Variants in ARID5B observed in about 807,000 individuals in gnomAD.
The protein encoded by ARID5B is AT-rich interactive domain-containing protein 5B.
A neutral mutation model predicts 97.2 loss-of-function variants in ARID5B; 13 were observed. The ratio of observed to expected loss-of-function variants is 0.13; its 90% CI spans 0.09 to 0.21. The LOEUF is 0.21. Ranked by LOEUF, ARID5B falls within the 10% of genes least tolerant of loss-of-function variation. The pLI, the probability that ARID5B is intolerant of heterozygous loss-of-function variation, is 1.00. For missense variants in ARID5B, 1,210 were observed against 1,465.3 expected (o/e 0.83, Z 2.84); for synonymous variants, 556 against 570.3 (o/e 0.97, Z 0.36).
chr10:62,067,182 T>G (rs1345513791), intron 7 of ARID5B, among the ~76,000 whole-genome samples: 2 of 152,162 alleles, frequency 1.3e-5, no homozygotes, highest in Non-Finnish European at 2.9e-5. Context: ...GCCTCCCGGT[T>G]CAAGCAATTC....
At chr10:62,045,613 G>GC (rs1839697725) in intron 4 of ARID5B, among the ~76,000 whole-genome samples, 1 of 151,940 alleles carries the variant, frequency 6.6e-6, no homozygotes, top group Admixed American at 6.6e-5. Context: ...ACCATGCCTG[G>GC]CTAATTTTTG....
chr10:62,019,300 A>C (rs974693104), intron 4 of ARID5B, among the ~76,000 whole-genome samples: 11 of 152,204 alleles, frequency 7.2e-5, no homozygotes, highest in African/African-American at 2.4e-4. Context: ...CCTTCGTTTA[A>C]ATTGCTATTA....
intron 4 of ARID5B, among the ~76,000 whole-genome samples, chr10:62,012,215 G>A (rs892783245): frequency 1.3e-5 from 2 of 152,046 alleles, no homozygotes; most frequent in African/African-American, 2.4e-5. Flanking sequence ...GGAAGCTCGC[G>A]TTAACCATCA....
At chr10:61,905,885 T>A (rs1156782249) in intron 2 of ARID5B, among the ~76,000 whole-genome samples, 12 of 152,262 alleles carry the variant, frequency 7.9e-5, no homozygotes, top group Non-Finnish European at 1.5e-5. Context: ...TTCATTTTAA[T>A]GATGATGGTG....
intron 8 of ARID5B, among the ~76,000 whole-genome samples, chr10:62,082,562 A>C (rs1840227236): frequency 6.6e-6 from 1 of 152,212 alleles, no homozygotes; most frequent in Admixed American, 6.5e-5. Flanking sequence ...TTTGAGAAAT[A>C]ATCAACCTCA....
intron 2 of ARID5B, among the ~76,000 whole-genome samples, chr10:61,930,468 C>T (rs1170590921): frequency 6.6e-6 from 1 of 152,076 alleles, no homozygotes; most frequent in South Asian, 2.1e-4. Flanking sequence ...CACCTGTAAT[C>T]CTAGCACTTT....
intron 2 of ARID5B, among the ~76,000 whole-genome samples, chr10:61,934,944 C>T (rs533471565): frequency 2.7e-5 from 4 of 149,764 alleles, no homozygotes; most frequent in African/African-American, 9.9e-5. Context: ...ATCCCGGAGG[C>T]GGAGGTTGCA....
chr10:62,040,639 A>G (rs1273034628), intron 4 of ARID5B, among the ~76,000 whole-genome samples: 1 of 152,240 alleles, frequency 6.6e-6, no homozygotes, highest in Non-Finnish European at 1.5e-5. Context: ...AAAGGTAAAA[A>G]GAAACATGTG....
chr10:61,977,428 A>C (rs1315508490), intron 3 of ARID5B, among the ~76,000 whole-genome samples: 1 of 152,214 alleles, frequency 6.6e-6, no homozygotes, highest in Non-Finnish European at 1.5e-5. Context: ...TTGAGGAATC[A>C]CCACACTGTC....
intron 2 of ARID5B, among the ~76,000 whole-genome samples, chr10:61,922,341 G>C (rs910170004): frequency 6.6e-6 from 1 of 150,946 alleles, no homozygotes; most frequent in Non-Finnish European, 1.5e-5. Context: ...GGTGGCTCAC[G>C]CCTGTAATCC....
intron 3 of ARID5B, among the ~76,000 whole-genome samples, chr10:61,943,784 A>G (rs2132801506): frequency 6.6e-6 from 1 of 151,826 alleles, no homozygotes; most frequent in Non-Finnish European, 1.5e-5. Flanking sequence ...TGTGTCTGCC[A>G]ACAAATTAAT....
At position 62,000,862 on chromosome 10, in the gene ARID5B, TAGATAGA is replaced by T. The variant is rs1351928383; in HGVS notation, c.733+542_733+548del. 6.6e-6 allele frequency among the ~76,000 whole-genome samples: 1 copy of T among 151,964 alleles called. No homozygotes were observed. The highest frequency in any genetic ancestry group is 2.4e-5 in the African/African-American group (1 of 41,338). ...ATAGATAGATAGATAGATAGATAGA[TAGATAGA>T]TAGATGATAGGTGATAGATATCCAT... On this transcript the variant is annotated intron_variant, in intron 4 of 9. Coordinates refer to ENST00000279873, the MANE Select transcript of ARID5B (RefSeq NM_032199.3). The surrounding 1 kb of genome is among the most constrained non-coding windows in gnomAD (Gnocchi z 4.4).
intron 3 of ARID5B, among the ~76,000 whole-genome samples, chr10:61,997,356 T>A (rs779814968): frequency 1.3e-4 from 19 of 151,710 alleles, no homozygotes; most frequent in Non-Finnish European, 2.5e-4. Flanking sequence ...GGGAAGCAGT[T>A]AGAGATGGCA....
At chr10:61,961,722 C>T (rs765295689) in intron 3 of ARID5B, among the ~76,000 whole-genome samples, 1 of 152,048 alleles carries the variant, frequency 6.6e-6, no homozygotes, top group East Asian at 1.9e-4. Context: ...CTCAGTGTCT[C>T]AATTCTGGGC....
At chr10:62,015,616 T>G (rs563677623) in intron 4 of ARID5B, among the ~76,000 whole-genome samples, 1 of 152,038 alleles carries the variant, frequency 6.6e-6, no homozygotes, top group South Asian at 2.1e-4. Context: ...GGTGTGAGGT[T>G]TTTTGTTGTT....
intron 2 of ARID5B, among the ~76,000 whole-genome samples, chr10:61,909,333 T>G (rs1843761753): frequency 7.0e-6 from 1 of 143,354 alleles, no homozygotes; most frequent in South Asian, 2.3e-4. Context: ...TTTTTTTTTT[T>G]TTTTTTTTTT....
chr10:61,999,986 TC>T (rs1293255845), intron 3 of ARID5B, 104 bp from the exon 4 acceptor site: 1 of 1,112,328 alleles, frequency 9.0e-7, no homozygotes, highest in African/African-American at 1.5e-5. Context: ...AGGATGAGAG[TC>T]TTTTTAGTCC....
chr10:62,020,474 C>A (rs570012867), intron 4 of ARID5B, among the ~76,000 whole-genome samples: 14 of 152,216 alleles, frequency 9.2e-5, no homozygotes, highest in African/African-American at 2.4e-4. Flanking sequence ...ACTTTGACAT[C>A]GGATATTCTT....
intron 3 of ARID5B, among the ~76,000 whole-genome samples, chr10:61,965,862 C>T (rs956012161): frequency 2.0e-5 from 3 of 151,982 alleles, no homozygotes; most frequent in Admixed American, 1.3e-4. Context: ...TCATGGTCTA[C>T]GAAAATAAAT....
Sources: gnomAD v4.1 joint callset for allele counts (sites outside exome capture counted in the v4.1 genomes callset) on GRCh38, gnomAD v4.1.1 for gene constraint, Gnocchi (gnomAD v3.1) non-coding constraint, MANE v1.5 for transcripts, NCBI Gene and HGNC (gene_info 2026-07-23, HGNC 2026-07-21) for gene names.